The following TUBG2 variants were observed in gnomAD, a reference collection of about 807,000 sequenced individuals.
TUBG2 encodes tubulin gamma 2.
TUBG2 carries 39 observed loss-of-function variants against 55.1 expected under a neutral mutation model. The observed-to-expected ratio is 0.71, with a 90% CI of 0.55 to 0.93. The LOEUF is 0.93. TUBG2 is among the 40% of genes least tolerant of loss of function. The pLI, the probability that TUBG2 is intolerant of heterozygous loss-of-function variation, is 0.00. For synonymous variants in TUBG2, 223 were observed against 241.0 expected, an observed-to-expected ratio of 0.93 and a Z score of 0.69; for missense variants, 358 against 599.1, an observed-to-expected ratio of 0.60 and a Z score of 4.20.
Position 42,666,784 on chromosome 17 carries a change from G to A in TUBG2, c.1340G>A (p.Gly447Asp), listed in dbSNP as rs2052559915. Residue 447 changes from glycine (G) to aspartate (D), a missense_variant, in exon 11 of 11, where the codon GGC becomes GAC. Physicochemically the swap from Gly to Asp is moderately conservative, Grantham distance 94. Transcript: ENST00000251412. ...ACCCAGCCAGACTACATTTCCTGGGGCACCCAGGAGCAGTGATTTCCCTCC... is the reference window on the plus strand; with the variant it reads ...ACCCAGCCAGACTACATTTCCTGGGACACCCAGGAGCAGTGATTTCCCTCC... ...AATQPDYISWGTQEQ is the reference protein window; with the variant it reads ...AATQPDYISWDTQEQ 6.2e-7 allele frequency: 1 copy of A among 1,613,954 alleles called. No homozygotes were observed. The highest frequency in any genetic ancestry group is 2.2e-5 in the East Asian group (1 of 44,872).
At chr17:42,660,612 A>AC (rs1212276265) in intron 3 of TUBG2, 27 bp from the exon 4 acceptor site, 2 of 1,605,588 alleles carry the variant, frequency 1.2e-6, no homozygotes, top group East Asian at 4.5e-5. Flanking sequence ...CTTTGGCCTG[A>AC]CCCTCCCTTT....
chr17:42,662,858 T>G, intron 4 of TUBG2, 115 bp from the exon 5 acceptor site: 1 of 943,744 alleles, frequency 1.1e-6, no homozygotes, highest in Middle Eastern at 2.3e-4. Flanking sequence ...GCATCTACTG[T>G]AGAATTGACT....
In TUBG2 at chr17:42,666,591, C is replaced by T. The variant is rs1156566115; in HGVS notation, c.1159-12C>T. On this transcript the variant is annotated splice_polypyrimidine_tract_variant and intron_variant, in intron 10 of 10. Transcript: ENST00000251412. ...CCCTGGCTCGCATTTTGGAGATTTT[C>T]ATCTCTTTCAGCTCTTTGAAAGTTC... is the stretch of plus-strand genomic sequence containing the variant. The T allele has an allele frequency of 4.3e-6, 7 of 1,614,212 alleles. No homozygotes were observed. The highest frequency in any genetic ancestry group is 1.1e-5 in the South Asian group (1 of 91,082).
intron 6 of TUBG2, 104 bp from the exon 7 acceptor site, chr17:42,665,363 TTAAACTAAC>T: frequency 6.4e-7 from 1 of 1,552,794 alleles, no homozygotes; most frequent in Non-Finnish European, 8.8e-7. Flanking sequence ...CTTTTTTTTT[TTAAACTAAC>T]AAACCTACTT....
intron 5 of TUBG2, 84 bp from the exon 6 acceptor site, chr17:42,663,293 A>C (rs2052433062): frequency 7.6e-6 from 12 of 1,581,748 alleles, no homozygotes; most frequent in Non-Finnish European, 9.5e-6. Flanking sequence ...TTCTGCCCTC[A>C]CCCCTTTTGT....
chr17:42,665,510 C>A lies in TUBG2; in HGVS notation c.641C>A (p.Ala214Asp). The A allele has an allele frequency of 6.2e-7, 1 of 1,614,174 alleles. No homozygotes were observed. Among genetic ancestry groups the A allele is most frequent in the East Asian group, 2.2e-5 (1 of 44,878 alleles). ...VLDNTALNRIATDRLHIQNPS... is the reference protein window; with the variant it reads ...VLDNTALNRIDTDRLHIQNPS... ...GACAACACAGCCCTGAACCGGATTG[C>A]CACAGACCGCCTGCACATCCAGAAC... Residue 214 changes from alanine (A) to aspartate (D), a missense_variant, in exon 7 of 11, where the codon GCC becomes GAC. Ala to Asp is a moderately radical substitution (Grantham distance 126). Around this residue, in one of 8 missense-constraint regions of TUBG2, gnomAD observed 52 missense variants for 53.8 expected, o/e 0.97. Transcript: ENST00000251412.
intron 1 of TUBG2, 132 bp downstream of exon 1, chr17:42,659,684 C>A (rs1296445386): frequency 8.1e-6 from 11 of 1,356,166 alleles, no homozygotes; most frequent in Admixed American, 2.5e-5. Flanking sequence ...TAACCCAGAC[C>A]GAGAGCTGCG....
At chr17:42,664,968 T>C (rs2052487389) in intron 6 of TUBG2, among the ~76,000 whole-genome samples, 1 of 150,290 alleles carries the variant, frequency 6.7e-6, no homozygotes, top group Admixed American at 6.6e-5. Flanking sequence ...CGAGTGGTCC[T>C]CCCACCTTGG....
intron 6 of TUBG2, among the ~76,000 whole-genome samples, chr17:42,665,049 T>C (rs1267176299): frequency 6.6e-6 from 1 of 151,190 alleles, no homozygotes; most frequent in Non-Finnish European, 1.5e-5. Context: ...TTTATTTTAT[T>C]ATTTTATTTT....
At position 42,659,966 on chromosome 17, in the gene TUBG2, C is replaced by CG; in HGVS notation, c.162+25dup. 1 of 1,590,134 alleles carries CG rather than the reference C, an allele frequency of 6.3e-7. No individual in the cohort carries two copies. The highest frequency in any genetic ancestry group is 8.6e-7 in the Non-Finnish European group (1 of 1,161,728). On this transcript the variant is annotated intron_variant, in intron 2 of 10. Coordinates refer to ENST00000251412, the MANE Select transcript of TUBG2 (RefSeq NM_016437.3). ...TACCAGGTGCCCCCAGCGACTTGGC[C>CG]GGGGGCGGCAGTGGCCCAAGGGGGC...
At position 42,665,968 on chromosome 17, in the gene TUBG2, G is replaced by T. The variant is rs909517999; in HGVS notation, c.844-119G>T. ...CTGCGCTCAGGGACTGGCACAGAGC[G>T]GGCGACTTTCTTGCTGACTTTCTCT... On this transcript the variant is annotated intron_variant, in intron 8 of 10. Coordinates refer to ENST00000251412, the MANE Select transcript of TUBG2 (RefSeq NM_016437.3). 6 of 1,590,060 alleles carry T rather than the reference G, an allele frequency of 3.8e-6. No homozygotes were observed. The Admixed American group carries it at 5.1e-5, about 14-fold the overall frequency.
intron 6 of TUBG2, 94 bp downstream of exon 6, chr17:42,663,597 CAGG>C: frequency 6.6e-7 from 1 of 1,503,954 alleles, no homozygotes; most frequent in Non-Finnish European, 9.0e-7. Context: ...TGCTTGAGCT[CAGG>C]AGTTCAATAC....
chr17:42,660,317 G>C lies in TUBG2; in HGVS notation c.330+1G>C, dbSNP rs1423622903. On this transcript the variant is annotated splice_donor_variant, in intron 3 of 10. Coordinates refer to ENST00000251412, the MANE Select transcript of TUBG2 (RefSeq NM_016437.3). LOFTEE classifies it high-confidence loss of function. ...CAACTGGGCCAGCGGATTCTCCCAG[G>C]TGTCCTAGCGACCATTCCAGAGACC... 3.7e-6 allele frequency: 6 copies of C among 1,614,208 alleles called. No homozygotes were observed. Among genetic ancestry groups the C allele is most frequent in the Non-Finnish European group, 5.1e-6 (6 of 1,180,032 alleles).
chr17:42,665,131 T>C (rs1357694567), intron 6 of TUBG2, among the ~76,000 whole-genome samples: 1 of 152,076 alleles, frequency 6.6e-6, no homozygotes. Flanking sequence ...AACTGCAAAC[T>C]CCGCCTCCCG....
chr17:42,665,013 C>A (rs2052488575), intron 6 of TUBG2, among the ~76,000 whole-genome samples: 1 of 150,558 alleles, frequency 6.6e-6, no homozygotes, highest in African/African-American at 2.4e-5. Context: ...CCATGCCCAG[C>A]AGTACTTTTA....
At chr17:42,661,612 C>A (rs572586610) in intron 4 of TUBG2, among the ~76,000 whole-genome samples, 2 of 152,384 alleles carry the variant, frequency 1.3e-5, no homozygotes, top group African/African-American at 2.4e-5. Flanking sequence ...TGAACAAGAA[C>A]ACATCCACAG....
intron 4 of TUBG2, 196 bp downstream of exon 4, chr17:42,660,903 C>T (rs902686165): frequency 2.7e-5 from 15 of 553,434 alleles, no homozygotes; most frequent in East Asian, 1.9e-4. Flanking sequence ...TGAATGGCAC[C>T]GGCCCCTTAG....
chr17:42,659,397 G>A lies in TUBG2; in HGVS notation c.-107G>A. On this transcript the variant is annotated 5_prime_UTR_variant, in exon 1 of 11. Coordinates refer to ENST00000251412, the MANE Select transcript of TUBG2 (RefSeq NM_016437.3). Reference sequence around the variant, plus strand: ...GCAGACCGAGCATCCGCGTCAAGAGGCGAAGAGAGCGCGCGCTCCCCACGT... The same window carrying A: ...GCAGACCGAGCATCCGCGTCAAGAGACGAAGAGAGCGCGCGCTCCCCACGT... The A allele has an allele frequency of 8.2e-7, 1 of 1,213,446 alleles. No individual in the cohort carries two copies. Among genetic ancestry groups the A allele is most frequent in the Non-Finnish European group, 1.1e-6 (1 of 883,666 alleles). 75.2% of individuals were successfully genotyped at this position (1,213,446 alleles called of 1,614,324 possible). A position where few individuals can be genotyped will look rare whatever the true frequency, so the allele number is the denominator to read the frequency against.
At chr17:42,663,816 G>A (rs1246334605) in intron 6 of TUBG2, among the ~76,000 whole-genome samples, 1 of 152,112 alleles carries the variant, frequency 6.6e-6, no homozygotes, top group Non-Finnish European at 1.5e-5. Flanking sequence ...GGTGGCGCAT[G>A]CCTGTAGTCC....
Sources: gnomAD v4.1 joint callset for allele counts (sites outside exome capture counted in the v4.1 genomes callset) on GRCh38, gnomAD v4.1.1 for gene constraint, gnomAD v4.1.1 regional missense constraint, MANE v1.5 for transcripts, NCBI Gene and HGNC (gene_info 2026-07-23, HGNC 2026-07-21) for gene names.